B3GALNT1: variants seen among roughly 807,000 people sequenced by gnomAD.
The protein encoded by B3GALNT1 is beta-1,3-N-acetylgalactosaminyltransferase 1 (Globoside blood group).
B3GALNT1 carries 17 observed loss-of-function variants against 27.3 expected under a neutral mutation model. That is an observed-to-expected ratio of 0.62 (90% CI 0.43 to 0.94). The LOEUF (loss-of-function observed/expected upper bound fraction) is 0.94, where lower values mean the gene tolerates loss of function less well. B3GALNT1 is among the 40% of genes least tolerant of loss of function. The probability of loss-of-function intolerance (pLI) is 0.00; values close to 1 mark genes in which losing one functional copy is unlikely to be tolerated. For synonymous variants in B3GALNT1, 141 were observed against 144.0 expected (o/e 0.98, Z 0.15); for missense variants, 347 against 390.0 (o/e 0.89, Z 0.93).
chr3:161,100,199 T>C (rs1244335362), intron 4 of B3GALNT1, among the ~76,000 whole-genome samples: 1 of 152,244 alleles, frequency 6.6e-6, no homozygotes, highest in Non-Finnish European at 1.5e-5. Flanking sequence ...GTTATTGATG[T>C]TTAAAATGTA....
intron 4 of B3GALNT1, among the ~76,000 whole-genome samples, chr3:161,095,311 C>A (rs901425515): frequency 1.3e-5 from 2 of 152,138 alleles, no homozygotes; most frequent in African/African-American, 4.8e-5. Flanking sequence ...TCAAGTAGTT[C>A]CCCCAGCACT....
rs576817438 is a variant in B3GALNT1 at position 161,093,535 on chromosome 3, C to T, written c.-34-6747G>A. Among the ~76,000 whole-genome samples, 44 of 152,256 alleles carry T rather than the reference C, an allele frequency of 2.9e-4. No homozygotes were observed. The East Asian group carries it at 8.3e-3, about 29-fold the overall frequency. On this transcript the variant is annotated intron_variant, in intron 4 of 4. Coordinates refer to ENST00000320474, the MANE Select transcript of B3GALNT1 (RefSeq NM_003781.4). ...AGGACCCCGACACTGTTCTAAATCC[C>T]ATGTCCCAGGGGAGGGACGGAGAGA...
Position 161,086,597 on chromosome 3 carries a change from T to C in B3GALNT1, c.158A>G (p.Tyr53Cys). The C allele has an allele frequency of 6.2e-7, 1 of 1,614,182 alleles. No homozygotes were observed. The highest frequency in any genetic ancestry group is 8.5e-7 in the Non-Finnish European group (1 of 1,180,034). Residue 53 changes from tyrosine to cysteine, a missense_variant, in exon 5 of 5, where the codon TAT (tyrosine) becomes TGT (cysteine). Physicochemically the swap from Tyr to Cys is radical, Grantham distance 194. Transcript: ENST00000320474. ...TTGTCTGTAAATCGGCTCATACTCA[T>C]AGAAGTACATCCAGTTCACGCGTTC... ...VIERVNWMYF[Y>C]EYEPIYRQDF...
chr3:161,097,197 C>G (rs920927680), intron 4 of B3GALNT1, among the ~76,000 whole-genome samples: 9 of 152,194 alleles, frequency 5.9e-5, no homozygotes, highest in African/African-American at 1.4e-4. Context: ...GTTACCTTAT[C>G]TGTAAAATGG....
At position 161,084,412 on chromosome 3, in the gene B3GALNT1, A is replaced by G. The variant is rs1031510706; in HGVS notation, c.*1347T>C. 6.6e-6 allele frequency: 1 copy of G among 152,214 alleles called. No homozygotes were observed. Among genetic ancestry groups the G allele is most frequent in the Non-Finnish European group, 1.5e-5 (1 of 68,024 alleles). The allele number at this position is 152,214 out of a possible 1,614,324, so 9.4% of individuals were successfully genotyped here. On this transcript the variant is annotated 3_prime_UTR_variant, in exon 5 of 5. Coordinates refer to ENST00000320474, the MANE Select transcript of B3GALNT1 (RefSeq NM_003781.4). ...ATAAATATGAGTATTACAAGAGCTG[A>G]CTACATACTTTCAAGTTTATATTTC...
chr3:161,096,647 T>C (rs192294349), intron 4 of B3GALNT1, among the ~76,000 whole-genome samples: 35 of 152,318 alleles, frequency 2.3e-4, no homozygotes, highest in Admixed American at 3.3e-4. Context: ...TAAAGCAATA[T>C]AAAACTCTAC....
At chr3:161,086,826 C>G in intron 4 of B3GALNT1, 38 bp from the exon 5 acceptor site, 2 of 1,570,738 alleles carry the variant, frequency 1.3e-6, no homozygotes, top group Non-Finnish European at 8.7e-7. Flanking sequence ...ATATTCCACA[C>G]CGAAAACACA....
intron 4 of B3GALNT1, among the ~76,000 whole-genome samples, chr3:161,091,588 T>C (rs1430002082): frequency 1.3e-5 from 2 of 152,212 alleles, no homozygotes; most frequent in Non-Finnish European, 2.9e-5. Context: ...CCAGATTCAC[T>C]GTCATGGTAT....
Position 161,096,617 on chromosome 3 carries a change from A to G in B3GALNT1, c.-35+4522T>C, listed in dbSNP as rs35868659. 1.5e-3 allele frequency among the ~76,000 whole-genome samples: 225 copies of G among 152,346 alleles called. 2 individuals carry two copies. Among genetic ancestry groups the G allele is most frequent in the African/African-American group, 5.4e-3 (223 of 41,588 alleles). ...AGGGAAATTCCCCCACTACCCTTTC[A>G]AACTAAACACATTAACTCATAAAGC... On this transcript the variant is annotated intron_variant, in intron 4 of 4. Transcript: ENST00000320474.
At chr3:161,092,757 A>ATTT (rs1725875868) in intron 4 of B3GALNT1, among the ~76,000 whole-genome samples, 3 of 111,428 alleles carry the variant, frequency 2.7e-5, no homozygotes, top group African/African-American at 7.0e-5. Flanking sequence ...CAAAAGTTTC[A>ATTT]TTTTTCTTTT....
intron 3 of B3GALNT1, among the ~76,000 whole-genome samples, chr3:161,102,146 GA>G (rs1160912895): frequency 6.6e-6 from 1 of 152,140 alleles, no homozygotes; most frequent in East Asian, 1.9e-4. Flanking sequence ...CTTTTGCATA[GA>G]AAGTGGTAAC....
chr3:161,105,102 G>T (rs576162760), intron 1 of B3GALNT1, 133 bp downstream of exon 1: 4 of 152,374 alleles, frequency 2.6e-5, no homozygotes, highest in African/African-American at 9.6e-5. Flanking sequence ...GTGCCTCCCG[G>T]CCTAGCTGCC....
At chr3:161,100,837 T>G (rs1226550708) in intron 4 of B3GALNT1, among the ~76,000 whole-genome samples, 1 of 152,154 alleles carries the variant, frequency 6.6e-6, no homozygotes, top group African/African-American at 2.4e-5. Flanking sequence ...AGGGCTGTTT[T>G]TTTTTTTAAA....
At chr3:161,098,117 T>C (rs1729181075) in intron 4 of B3GALNT1, among the ~76,000 whole-genome samples, 1 of 152,234 alleles carries the variant, frequency 6.6e-6, no homozygotes, top group Non-Finnish European at 1.5e-5. Context: ...GTAGTAAGTA[T>C]GTTTTATATT....
intron 4 of B3GALNT1, among the ~76,000 whole-genome samples, chr3:161,096,119 T>C (rs188858818): frequency 9.2e-5 from 14 of 152,380 alleles, no homozygotes; most frequent in East Asian, 5.8e-4. Context: ...GTCTAACACA[T>C]AGTAGGCTCT....
At chr3:161,091,888 G>A (rs1053364346) in intron 4 of B3GALNT1, among the ~76,000 whole-genome samples, 1 of 152,166 alleles carries the variant, frequency 6.6e-6, no homozygotes, top group East Asian at 1.9e-4. Context: ...TACTGATGAT[G>A]ATTATACATC....
chr3:161,102,836 G>C (rs1441350893), intron 3 of B3GALNT1, among the ~76,000 whole-genome samples: 2 of 152,182 alleles, frequency 1.3e-5, no homozygotes, highest in African/African-American at 4.8e-5. Context: ...TTTCCCAAAA[G>C]AGGGTTCTAC....
chr3:161,086,241 T>C lies in B3GALNT1; in HGVS notation c.514A>G (p.Asn172Asp), dbSNP rs778868889. ...TCTGTCTTCATTACGTACTTGGCAT[T>C]GGGGCAAAACTCAGTTACCCACCTG... is the stretch of plus-strand genomic sequence containing the variant. ...AFRWVTEFCP[N>D]AKYVMKTDTD... Residue 172 changes from asparagine to aspartate, a missense_variant, in exon 5 of 5, where the codon AAT becomes GAT. Physicochemically the swap from Asn to Asp is conservative, Grantham distance 23. Coordinates refer to ENST00000320474, the MANE Select transcript of B3GALNT1 (RefSeq NM_003781.4). 5 of 1,614,046 alleles carry C rather than the reference T, an allele frequency of 3.1e-6. No individual in the cohort carries two copies. In the East Asian group the frequency reaches 8.9e-5, roughly 29 times the overall value.
chr3:161,086,330 T>G lies in B3GALNT1; in HGVS notation c.425A>C (p.Asp142Ala). 1.9e-6 allele frequency: 3 copies of G among 1,614,178 alleles called. No homozygotes were observed. The South Asian group carries it at 3.3e-5, about 18-fold the overall frequency. The change falls in exon 5 of 5, where the codon GAC becomes GCC. Residue 142 changes from aspartate to alanine, a missense_variant. Asp to Ala is a moderately radical substitution (Grantham distance 126). Coordinates refer to ENST00000320474, the MANE Select transcript of B3GALNT1 (RefSeq NM_003781.4). Reference sequence around the variant, plus strand: ...GTCTAAAAAATCTTGTCGGATTATGTCACCATAAAGAAGGTGTTCATCCTC... The same window carrying G: ...GTCTAAAAAATCTTGTCGGATTATGGCACCATAAAGAAGGTGTTCATCCTC... ...SLEDEHLLYGDIIRQDFLDTY... is the reference protein window; with the variant it reads ...SLEDEHLLYGAIIRQDFLDTY...
Sources: gnomAD v4.1 joint callset for allele counts (sites outside exome capture counted in the v4.1 genomes callset) on GRCh38, gnomAD v4.1.1 for gene constraint, MANE v1.5 for transcripts, NCBI Gene and HGNC (gene_info 2026-07-23, HGNC 2026-07-21) for gene names.